Variants in DNAH11 observed in about 807,000 individuals in gnomAD.
The protein encoded by DNAH11 is dynein axonemal heavy chain 11.
Under a neutral mutation model 526.0 loss-of-function variants are expected in DNAH11, and 442 were observed. The observed-to-expected ratio is 0.84, with a 90% CI of 0.78 to 0.91. The LOEUF (loss-of-function observed/expected upper bound fraction) is 0.91, where lower values mean the gene tolerates loss of function less well. Ranked by LOEUF, DNAH11 falls within the 40% of genes least tolerant of loss-of-function variation. The pLI is 0.00. For synonymous variants in DNAH11, 2,461 were observed against 1,935.9 expected, an observed-to-expected ratio of 1.27 and a Z score of -7.12; for missense variants, 6,989 against 5,448.7, an observed-to-expected ratio of 1.28 and a Z score of -8.90.
Position 21,899,336 on chromosome 7 carries a change from G to A in DNAH11, c.13050G>A (p.Trp4350Ter). ...AYPSTYGLAQ[W>*]FNDLLLRCRE... is the part of the protein sequence containing the mutation. Reference sequence around the variant, plus strand: ...TTTCTTCCTCCCTCCCATAAACCAGGTTCAATGACCTCCTCCTGCGATGCC... The same window carrying A: ...TTTCTTCCTCCCTCCCATAAACCAGATTCAATGACCTCCTCCTGCGATGCC... The change falls in exon 80 of 82, where the codon TGG becomes TGA. Residue 4350 changes from tryptophan (W) to a stop codon, truncating the protein, a stop_gained and splice_region_variant. Coordinates refer to ENST00000409508, the MANE Select transcript of DNAH11 (RefSeq NM_001277115.2). LOFTEE classifies it high-confidence loss of function. 2 of 1,613,684 alleles carry A rather than the reference G, an allele frequency of 1.2e-6. No homozygotes were observed.
In DNAH11 at chr7:21,742,036, T is replaced by C. The variant is rs1785925671; in HGVS notation, c.8024T>C (p.Ile2675Thr). ...CAACAGCAAGCATTTGCTCCATCAA[T>C]TCTCAGGAGTGGCCCCACTTTGATC... Reference protein sequence around the residue: ...HFQQQAFAPSILRSGPTLIQA... With the variant: ...HFQQQAFAPSTLRSGPTLIQA... Residue 2675 changes from isoleucine (I) to threonine (T), a missense_variant, in exon 49 of 82, where the codon ATT (isoleucine) becomes ACT (threonine). Ile to Thr is a moderately conservative substitution (Grantham distance 89, BLOSUM62 -1). Transcript: ENST00000409508. 1 of 1,613,938 alleles carries C rather than the reference T, an allele frequency of 6.2e-7. No homozygotes were observed. The highest frequency in any genetic ancestry group is 2.2e-5 in the East Asian group (1 of 44,874).
At position 21,600,024 on chromosome 7, in the gene DNAH11, T is replaced by G; in HGVS notation, c.2905T>G (p.Phe969Val). The G allele has an allele frequency of 3.1e-6, 5 of 1,612,804 alleles. No individual in the cohort carries two copies. Among genetic ancestry groups the G allele is most frequent in the Non-Finnish European group, 4.2e-6 (5 of 1,179,222 alleles). The change falls in exon 15 of 82, where the codon TTC becomes GTC. Residue 969 changes from phenylalanine (F) to valine (V), a missense_variant. Coordinates refer to ENST00000409508, the MANE Select transcript of DNAH11 (RefSeq NM_001277115.2). ...PSLDREAGDG[F>V]YDLVEEMLCN... ...CCTAGACAGAGAGGCTGGGGATGGC[T>G]TCTATGATCTTGTAGAAGAAATGTT...
chr7:21,883,670 C>T (rs1268232061), intron 75 of DNAH11, among the ~76,000 whole-genome samples: 1 of 152,216 alleles, frequency 6.6e-6, no homozygotes, highest in African/African-American at 2.4e-5. Context: ...AACATCCTTT[C>T]ACAATTTTTA....
intron 14 of DNAH11, 37 bp downstream of exon 14, chr7:21,591,614 T>C (rs1203429359): frequency 6.0e-6 from 9 of 1,495,636 alleles, no homozygotes; most frequent in Non-Finnish European, 8.0e-6. Context: ...TATAGATCTT[T>C]TCATTGAGTT....
At chr7:21,724,822 C>G (rs958307875) in intron 44 of DNAH11, among the ~76,000 whole-genome samples, 2 of 50,450 alleles carry the variant, frequency 4.0e-5, no homozygotes, top group African/African-American at 1.6e-4. Flanking sequence ...TATCACTGGA[C>G]CAGGTCATCA....
In DNAH11 at chr7:21,571,947, T is replaced by C. The variant is rs200126117; in HGVS notation, c.1567T>C (p.Tyr523His). 210 of 1,588,680 alleles carry C rather than the reference T, an allele frequency of 1.3e-4. No homozygotes were observed. The highest frequency in any genetic ancestry group is 1.6e-4 in the Non-Finnish European group (193 of 1,170,360). The change falls in exon 8 of 82, where the codon TAT (tyrosine) becomes CAT (histidine). Residue 523 changes from tyrosine (Y) to histidine (H), a missense_variant. Transcript: ENST00000409508. ...CTGTAAACTTTTTAAACAGAGCACT[T>C]ATGACCCATCTGATTGCACTAACAT... ...ELCKLFKQST[Y>H]DPSDCTNMEF... is the part of the protein sequence containing the mutation.
At chr7:21,883,921 T>C (rs747492525) in intron 75 of DNAH11, among the ~76,000 whole-genome samples, 88 of 152,270 alleles carry the variant, frequency 5.8e-4, no homozygotes, top group Non-Finnish European at 1.0e-3. Flanking sequence ...CCTGTGCCTG[T>C]AGTCCTAGTT....
chr7:21,796,147 ACT>A (rs1208874037), intron 61 of DNAH11, among the ~76,000 whole-genome samples: 5 of 151,976 alleles, frequency 3.3e-5, no homozygotes, highest in African/African-American at 1.2e-4. Flanking sequence ...AATATTGAAG[ACT>A]CTTCTTAATG....
intron 61 of DNAH11, among the ~76,000 whole-genome samples, chr7:21,794,077 C>T (rs113925219): frequency 0.011 from 1,663 of 152,292 alleles, 26 homozygotes; most frequent in African/African-American, 0.038. Context: ...CTTCAGCAAA[C>T]GTATTTCTCA....
chr7:21,862,016 C>CT lies in DNAH11; in HGVS notation c.11370dup (p.Gln3791SerfsTer13). ...AAGCTCACCTTCCTGTCCCAGATGG[C>CT]TTTTCAGGTAAGGAGATCAGTTACT... On this transcript the variant is annotated frameshift_variant, in exon 69 of 82. Coordinates refer to ENST00000409508, the MANE Select transcript of DNAH11 (RefSeq NM_001277115.2). LOFTEE classifies it high-confidence loss of function. The CT allele has an allele frequency of 6.2e-7, 1 of 1,611,140 alleles. No homozygotes were observed. The highest frequency in any genetic ancestry group is 8.5e-7 in the Non-Finnish European group (1 of 1,178,622).
chr7:21,721,558 C>A (rs557184405), intron 44 of DNAH11, among the ~76,000 whole-genome samples: 1 of 152,220 alleles, frequency 6.6e-6, no homozygotes, highest in Admixed American at 6.5e-5. Context: ...CAAGGACTCT[C>A]TTCCCACCTT....
At chr7:21,705,720 G>T (rs1363835316) in intron 39 of DNAH11, among the ~76,000 whole-genome samples, 183 bp downstream of exon 39, 1 of 152,074 alleles carries the variant, frequency 6.6e-6, no homozygotes, top group African/African-American at 2.4e-5. Context: ...TTTATATTGG[G>T]TCAGCGGGGG....
At chr7:21,800,010 G>A (rs1399007209) in intron 61 of DNAH11, among the ~76,000 whole-genome samples, 1 of 152,106 alleles carries the variant, frequency 6.6e-6, no homozygotes, top group Non-Finnish European at 1.5e-5. Context: ...TAAGTTATAT[G>A]AGCTCATTCA....
chr7:21,857,589 T>C (rs768979512), intron 68 of DNAH11, among the ~76,000 whole-genome samples: 1 of 152,008 alleles, frequency 6.6e-6, no homozygotes, highest in Non-Finnish European at 1.5e-5. Flanking sequence ...GACTTAAATC[T>C]ACACGAATCA....
At chr7:21,727,344 T>C (rs1242119337) in intron 45 of DNAH11, among the ~76,000 whole-genome samples, 1 of 152,228 alleles carries the variant, frequency 6.6e-6, no homozygotes. Context: ...ATTGAAGGCA[T>C]ATTTCTGTTC....
chr7:21,632,442 G>A (rs1157920292), intron 25 of DNAH11, among the ~76,000 whole-genome samples: 1 of 152,056 alleles, frequency 6.6e-6, no homozygotes, highest in East Asian at 1.9e-4. Context: ...GAACTTCTGT[G>A]GTCTGCTTCC....
At chr7:21,620,704 T>G in intron 25 of DNAH11, among the ~76,000 whole-genome samples, 1 of 101,496 alleles carries the variant, frequency 9.9e-6, no homozygotes, top group Admixed American at 1.1e-4. Context: ...CCTAAAGCTA[T>G]CCCTCCCCCC....
chr7:21,854,141 A>G (rs1221409555), intron 67 of DNAH11, among the ~76,000 whole-genome samples, 174 bp from the exon 68 acceptor site: 1 of 152,206 alleles, frequency 6.6e-6, no homozygotes, highest in Non-Finnish European at 1.5e-5. Flanking sequence ...TAAAAAAATT[A>G]TTTTAAAATA....
chr7:21,890,784 TG>T (rs1784300252), intron 76 of DNAH11, among the ~76,000 whole-genome samples: 2 of 152,100 alleles, frequency 1.3e-5, no homozygotes, highest in Admixed American at 1.3e-4. Context: ...GATACAAATG[TG>T]AATAAATAAA....
Sources: allele counts gnomAD v4.1 joint callset (sites outside exome capture counted in the v4.1 genomes callset), GRCh38; gene constraint gnomAD v4.1.1; transcripts MANE v1.5; gene names NCBI Gene and HGNC (gene_info 2026-07-23, HGNC 2026-07-21).